Variants in PLXNB2 observed in about 807,000 individuals in gnomAD.
PLXNB2 encodes the protein plexin B2.
In PLXNB2, 85 loss-of-function variants were observed where a neutral mutation model predicts 202.6. The ratio of observed to expected loss-of-function variants is 0.42; its 90% CI spans 0.35 to 0.50. The LOEUF is 0.50. Ranked by LOEUF, PLXNB2 falls within the 20% of genes least tolerant of loss-of-function variation. The pLI, the probability that PLXNB2 is intolerant of heterozygous loss-of-function variation, is 0.02. For synonymous variants in PLXNB2, 1,239 were observed against 1,137.6 expected, an observed-to-expected ratio of 1.09 and a Z score of -1.79; for missense variants, 2,063 against 2,586.2, an observed-to-expected ratio of 0.80 and a Z score of 4.39.
chr22:50,280,793 G>A lies in PLXNB2; in HGVS notation c.3944C>T (p.Ala1315Val). The A allele has an allele frequency of 6.2e-7, 1 of 1,613,128 alleles. No homozygotes were observed. Among genetic ancestry groups the A allele is most frequent in the African/African-American group, 1.3e-5 (1 of 75,036 alleles). The change falls in exon 24 of 37, where the codon GCC (alanine) becomes GTC (valine). Residue 1315 changes from alanine (A) to valine (V), a missense_variant. This residue lies in a region of PLXNB2 where 760 missense variants were observed against 1,109.4 expected (regional missense o/e 0.69). Transcript: ENST00000359337. ...CAGCAGGTTGGAGAACTGGTAGAGG[G>A]CCTGCTCCACCACCGGCCGCCGCGG... ...PEPRRPVVEQ[A>V]LYQFSNLLNS... is the part of the protein sequence containing the mutation.
In PLXNB2 at chr22:50,289,904, G is replaced by A. The variant is rs199967710; in HGVS notation, c.681C>T (p.Tyr227=). 388 of 1,613,202 alleles carry A rather than the reference G, an allele frequency of 2.4e-4. No homozygotes were observed. The highest frequency in any genetic ancestry group is 2.5e-4 in the Non-Finnish European group (300 of 1,180,040). ...CCTGCTGGTTGAAGACAAAGAAGAC[G>A]TAGGGGCCGTCCTCGAAGGCCGCCA... The part of the protein sequence containing the change: ...QFVAAFEDGP[Y]VFFVFNQQDK... The change falls in exon 3 of 37, where the codon TAC becomes TAT. Residue 227 remains tyrosine, a synonymous_variant. Coordinates refer to ENST00000359337, the MANE Select transcript of PLXNB2 (RefSeq NM_012401.4). This position sits in a 1 kb window ranked among gnomAD's most constrained non-coding sequence, Gnocchi z 8.0.
At position 50,283,193 on chromosome 22, in the gene PLXNB2, G is replaced by C; in HGVS notation, c.2680-7C>G. On this transcript the variant is annotated splice_polypyrimidine_tract_variant and splice_region_variant and intron_variant, in intron 16 of 36. Transcript: ENST00000359337. ...CACTGAGAGGCTTGGGCTGCTGAAA[G>C]AGCCGCAGGGGCACTCGGGTGAGGA... 6.3e-7 allele frequency: 1 copy of C among 1,598,998 alleles called. No homozygotes were observed. Among genetic ancestry groups the C allele is most frequent in the South Asian group, 1.1e-5 (1 of 89,784 alleles).
At chr22:50,282,604 C>T in intron 18 of PLXNB2, 107 bp downstream of exon 18, 1 of 832,822 alleles carries the variant, frequency 1.2e-6, no homozygotes, top group Non-Finnish European at 1.8e-6. Flanking sequence ...CCGCCTCCCG[C>T]TGCACAGACC....
In PLXNB2 at chr22:50,277,837, G is replaced by A. The variant is rs770699560; in HGVS notation, c.5048+16C>T. 14 of 1,609,390 alleles carry A rather than the reference G, an allele frequency of 8.7e-6. No homozygotes were observed. The highest frequency in any genetic ancestry group is 1.1e-5 in the Non-Finnish European group (13 of 1,176,908). Reference sequence around the variant, plus strand: ...CGGAGCCGGGGCTGGGCCGCGGGGTGGGTGTGGAGCCTCACCTGTTCGTCT... The same window carrying A: ...CGGAGCCGGGGCTGGGCCGCGGGGTAGGTGTGGAGCCTCACCTGTTCGTCT... On this transcript the variant is annotated intron_variant, in intron 32 of 36. Transcript: ENST00000359337.
At chr22:50,293,667 G>A (rs1428251593) in intron 2 of PLXNB2, among the ~76,000 whole-genome samples, 2 of 152,238 alleles carry the variant, frequency 1.3e-5, no homozygotes, top group African/African-American at 4.8e-5. Context: ...CCTCGGATCT[G>A]GCCCGGACCG....
intron 33 of PLXNB2, 126 bp from the exon 34 acceptor site, chr22:50,277,032 C>T (rs1010521294): frequency 1.6e-5 from 11 of 697,354 alleles, no homozygotes; most frequent in Admixed American, 6.6e-5. Flanking sequence ...ATGGGCCGGG[C>T]GCAGTGGCTC....
Position 50,287,254 on chromosome 22 carries a change from G to A in PLXNB2, c.1619C>T (p.Thr540Ile). ...GCTCAGGGCAGGGAGGGGGCTGACGGTCAGCTGCACCTGAGGGAGGGGCCG... is the reference window on the plus strand; with the variant it reads ...GCTCAGGGCAGGGAGGGGGCTGACGATCAGCTGCACCTGAGGGAGGGGCCG... ...SRRAQGEVQL[T>I]VSPLPALSEE... Residue 540 changes from threonine (T) to isoleucine (I), a missense_variant, in exon 8 of 37, where the codon ACC becomes ATC. This residue lies in a region of PLXNB2 where 1,303 missense variants were observed against 1,476.8 expected (regional missense o/e 0.88). Transcript: ENST00000359337. The A allele has an allele frequency of 6.6e-7, 1 of 1,520,856 alleles. No homozygotes were observed. Among genetic ancestry groups the A allele is most frequent in the South Asian group, 1.3e-5 (1 of 79,826 alleles). 94.2% of individuals were successfully genotyped at this position (1,520,856 alleles called of 1,614,324 possible).
intron 24 of PLXNB2, 30 bp downstream of exon 24, chr22:50,280,714 G>GGCCACCCCC: frequency 2.0e-6 from 3 of 1,528,936 alleles, no homozygotes; most frequent in Non-Finnish European, 2.7e-6. Flanking sequence ...CCACCTGTGT[G>GGCCACCCCC]CCCTCCCGCC....
chr22:50,278,603 T>G lies in PLXNB2; in HGVS notation c.4640A>C (p.His1547Pro). Residue 1547 changes from histidine to proline, a missense_variant, in exon 29 of 37, where the codon CAC (histidine) becomes CCC (proline). His to Pro is a moderately conservative substitution (Grantham distance 77). Coordinates refer to ENST00000359337, the MANE Select transcript of PLXNB2 (RefSeq NM_012401.4). ...GRWKRVNTLM[H>P]YNVRDGATLI... ...CCCGGCCTACACGCTCACATTGTAG[T>G]GCATAAGGGTGTTGACGCGCTTCCA... 6.2e-7 allele frequency: 1 copy of G among 1,612,636 alleles called. No homozygotes were observed. Among genetic ancestry groups the G allele is most frequent in the Non-Finnish European group, 8.5e-7 (1 of 1,179,574 alleles).
chr22:50,280,044 C>G lies in PLXNB2; in HGVS notation c.4203G>C (p.Leu1401=), dbSNP rs369630778. 1 of 1,610,550 alleles carries G rather than the reference C, an allele frequency of 6.2e-7. No individual in the cohort carries two copies. Among genetic ancestry groups the G allele is most frequent in the South Asian group, 1.1e-5 (1 of 90,646 alleles). Residue 1401 remains leucine, a synonymous_variant, in exon 26 of 37, where the codon CTG becomes CTC. Coordinates refer to ENST00000359337, the MANE Select transcript of PLXNB2 (RefSeq NM_012401.4). ...RRSETVVERM[L]SNWMSICLYQ... is the part of the protein sequence containing the mutation. Reference sequence around the variant, plus strand: ...ACAGGCAGATGGACATCCAGTTGGACAGCATCCTCTCCACCACAGTCTCAG... The same window carrying G: ...ACAGGCAGATGGACATCCAGTTGGAGAGCATCCTCTCCACCACAGTCTCAG...
At position 50,287,811 on chromosome 22, in the gene PLXNB2, G is replaced by A. The variant is rs77645973; in HGVS notation, c.1482-18C>T. On this transcript the variant is annotated intron_variant, in intron 6 of 36. Transcript: ENST00000359337. ...GGGTGCATCTGCAGGCGCAGGGGGCGGCCTCAGCCCAGGGTGGAGTCTTGT... is the reference window on the plus strand; with the variant it reads ...GGGTGCATCTGCAGGCGCAGGGGGCAGCCTCAGCCCAGGGTGGAGTCTTGT... The A allele has an allele frequency of 4.2e-3, 6,727 of 1,595,814 alleles. 251 individuals are homozygous for A. In the African/African-American group the frequency reaches 0.079, roughly 19 times the overall value.
In PLXNB2 at chr22:50,275,473, G is replaced by A. The variant is rs765836639; in HGVS notation, c.*231C>T. The A allele has an allele frequency of 4.0e-5, 26 of 654,004 alleles. No homozygotes were observed. Among genetic ancestry groups the A allele is most frequent in the South Asian group, 9.1e-5 (6 of 66,216 alleles). The allele number at this position is 654,004 out of a possible 1,614,324, so 40.5% of individuals were successfully genotyped here. A position where few individuals can be genotyped will look rare whatever the true frequency, so the allele number is the denominator to read the frequency against. Reference sequence around the variant, plus strand: ...AGTGAACACCCGATGCTGGTTCTGCGGCCGGAGGGAGCTGGGGCTGGGGCT... The same window carrying A: ...AGTGAACACCCGATGCTGGTTCTGCAGCCGGAGGGAGCTGGGGCTGGGGCT... On this transcript the variant is annotated 3_prime_UTR_variant, in exon 37 of 37. Coordinates refer to ENST00000359337, the MANE Select transcript of PLXNB2 (RefSeq NM_012401.4).
intron 1 of PLXNB2, among the ~76,000 whole-genome samples, chr22:50,295,189 C>T (rs1180860550): frequency 6.6e-5 from 10 of 151,466 alleles, no homozygotes; most frequent in East Asian, 5.8e-4. Context: ...GGCCTGGTGG[C>T]GGGCAGCTGT....
At position 50,281,514 on chromosome 22, in the gene PLXNB2, G is replaced by A. The variant is rs764793422; in HGVS notation, c.3523-15C>T. The stretch of plus-strand genomic sequence containing the variant: ...CCGAACTTCACCTGTGTGGGGGGCC[G>A]GGTTCAGCGCGGTCCCGTGGGGGCA... On this transcript the variant is annotated splice_polypyrimidine_tract_variant and intron_variant, in intron 21 of 36. Transcript: ENST00000359337. The A allele has an allele frequency of 5.2e-5, 83 of 1,609,988 alleles. 1 individual carries two copies. In the South Asian group the frequency reaches 7.4e-4, roughly 14 times the overall value.
chr22:50,283,929 G>C lies in PLXNB2; in HGVS notation c.2325C>G (p.Pro775=), dbSNP rs368660685. 5 of 1,567,614 alleles carry C rather than the reference G, an allele frequency of 3.2e-6. No homozygotes were observed. The Admixed American group carries it at 5.7e-5, about 18-fold the overall frequency. ...CCCCGCACCACGCACACCTGTAGTC[G>C]GGGTTAGCGGCCCGGCACAGGCTGC... The part of the protein sequence containing the change: ...SDCSLCRAAN[P]DYRCAWCGGQ... The change falls in exon 14 of 37, where the codon CCC becomes CCG. Residue 775 remains proline, a synonymous_variant. Coordinates refer to ENST00000359337, the MANE Select transcript of PLXNB2 (RefSeq NM_012401.4).
At position 50,276,914 on chromosome 22, in the gene PLXNB2, G is replaced by C; in HGVS notation, c.5197-8C>G. 6.3e-7 allele frequency: 1 copy of C among 1,592,640 alleles called. No individual in the cohort carries two copies. Among genetic ancestry groups the C allele is most frequent in the Non-Finnish European group, 8.6e-7 (1 of 1,169,088 alleles). On this transcript the variant is annotated splice_polypyrimidine_tract_variant and splice_region_variant and intron_variant, in intron 33 of 36. Transcript: ENST00000359337. ...CTTGTTGCTGGGAGAATCCTGTTGG[G>C]GACAAAACCCAGTGATGCCTGGCCA...
rs866538959 is a variant in PLXNB2 at position 50,286,135 on chromosome 22, G to A, written c.1878-37C>T. 6 of 1,609,990 alleles carry A rather than the reference G, an allele frequency of 3.7e-6. No homozygotes were observed. In the Middle Eastern group the frequency reaches 9.9e-4, roughly 266 times the overall value. ...GGGGATCGTGAGCAGGGCTGGGGTG[G>A]ACGGGCAGGGTGGGGTCGATGGGCA... On this transcript the variant is annotated intron_variant, in intron 9 of 36. Transcript: ENST00000359337.
intron 10 of PLXNB2, 31 bp downstream of exon 10, chr22:50,285,959 A>G: frequency 1.2e-6 from 2 of 1,608,166 alleles, no homozygotes; most frequent in South Asian, 1.1e-5. Flanking sequence ...CCATGCCCTG[A>G]ACAGTCCCCT....
In PLXNB2 at chr22:50,297,967, C is replaced by T. The variant is rs1005756374; in HGVS notation, c.-73-3189G>A. Among the ~76,000 whole-genome samples the T allele has an allele frequency of 6.6e-6, 1 of 152,184 alleles. No homozygotes were observed. The highest frequency in any genetic ancestry group is 1.5e-5 in the Non-Finnish European group (1 of 68,024). On this transcript the variant is annotated intron_variant, in intron 1 of 36. Transcript: ENST00000359337. The surrounding 1 kb of genome is among the most constrained non-coding windows in gnomAD (Gnocchi z 5.3). ...ATGTTCACTGTGCTCCCTGGAAAGC[C>T]CCTGCCCATCCTTTAGACCCCGAGA...
Sources: gnomAD v4.1 joint callset for allele counts (sites outside exome capture counted in the v4.1 genomes callset) on GRCh38, gnomAD v4.1.1 for gene constraint, gnomAD v4.1.1 regional missense constraint, Gnocchi (gnomAD v3.1) non-coding constraint, MANE v1.5 for transcripts, NCBI Gene and HGNC (gene_info 2026-07-23, HGNC 2026-07-21) for gene names.